The following GALNT7 variants were observed in gnomAD, a reference collection of about 807,000 sequenced individuals.
GALNT7 encodes the protein N-acetylgalactosaminyltransferase 7.
In GALNT7, 60 loss-of-function variants were observed where a neutral mutation model predicts 82.1. The observed-to-expected ratio is 0.73, with a 90% CI of 0.59 to 0.91. The LOEUF (loss-of-function observed/expected upper bound fraction) is 0.91. GALNT7 is among the 40% of genes least tolerant of loss of function. The probability of loss-of-function intolerance (pLI) is 0.00; values close to 1 mark genes in which losing one functional copy is unlikely to be tolerated. For synonymous variants in GALNT7, 243 were observed against 275.1 expected (o/e 0.88, Z 1.15); for missense variants, 660 against 804.2 (o/e 0.82, Z 2.17).
chr4:173,209,013 T>C (rs1696931880), intron 1 of GALNT7, among the ~76,000 whole-genome samples: 1 of 152,226 alleles, frequency 6.6e-6, no homozygotes, highest in African/African-American at 2.4e-5. Flanking sequence ...TCATCTTTTG[T>C]TCAAATGGTT....
intron 1 of GALNT7, among the ~76,000 whole-genome samples, chr4:173,170,631 C>T (rs1731829468): frequency 6.6e-6 from 1 of 152,106 alleles, no homozygotes; most frequent in African/African-American, 2.4e-5. Flanking sequence ...TGATGGTGAT[C>T]TTTTTATAAT....
intron 1 of GALNT7, among the ~76,000 whole-genome samples, chr4:173,191,378 C>T (rs932520992): frequency 3.9e-5 from 6 of 152,174 alleles, no homozygotes; most frequent in Non-Finnish European, 7.3e-5. Context: ...GGATGTAAGT[C>T]TCTTCCGCCA....
intron 2 of GALNT7, among the ~76,000 whole-genome samples, chr4:173,263,702 C>A (rs1054703791): frequency 6.6e-6 from 1 of 151,816 alleles, no homozygotes; most frequent in African/African-American, 2.4e-5. Context: ...GGAACAAAAC[C>A]CAAGGGTTCA....
intron 1 of GALNT7, among the ~76,000 whole-genome samples, chr4:173,215,286 A>G (rs915312525): frequency 1.3e-5 from 2 of 148,384 alleles, no homozygotes; most frequent in African/African-American, 5.0e-5. Flanking sequence ...GCTGGAGAGC[A>G]GTGGTGTGAT....
chr4:173,210,730 C>T (rs573553887), intron 1 of GALNT7, among the ~76,000 whole-genome samples: 2 of 152,252 alleles, frequency 1.3e-5, no homozygotes, highest in African/African-American at 2.4e-5. Flanking sequence ...CCATGCCTGG[C>T]CTACTTTTTC....
chr4:173,195,724 T>G (rs948982672), intron 1 of GALNT7, among the ~76,000 whole-genome samples: 4 of 152,194 alleles, frequency 2.6e-5, no homozygotes, highest in South Asian at 2.1e-4. Context: ...TGAAATCAGA[T>G]AAGATGATGA....
intron 10 of GALNT7, 151 bp downstream of exon 10, chr4:173,317,883 T>TA: frequency 1.6e-6 from 1 of 607,156 alleles, no homozygotes; most frequent in Non-Finnish European, 3.0e-6. Flanking sequence ...TTGACAGTGT[T>TA]AAAACATTCA....
chr4:173,255,937 T>A (rs1735021309), intron 2 of GALNT7, among the ~76,000 whole-genome samples: 1 of 152,234 alleles, frequency 6.6e-6, no homozygotes, highest in Non-Finnish European at 1.5e-5. Context: ...TATATGTTTC[T>A]TTGATGCATA....
chr4:173,215,489 C>T (rs1733416777), intron 1 of GALNT7, among the ~76,000 whole-genome samples: 2 of 152,082 alleles, frequency 1.3e-5, no homozygotes, highest in Admixed American at 6.6e-5. Context: ...CTCGGCCTTT[C>T]GAAGTGCTGG....
In GALNT7 at chr4:173,212,298, T is replaced by TA. The variant is rs1561156079; in HGVS notation, c.127-35677dup. On this transcript the variant is annotated intron_variant, in intron 1 of 11. Transcript: ENST00000265000. Reference sequence around the variant, plus strand: ...ATAGTTCTTTAATCCGTATGCTTATTAAAAATCAACTTAAGTCTACAAAAG... The same window carrying TA: ...ATAGTTCTTTAATCCGTATGCTTATTAAAAAATCAACTTAAGTCTACAAAAG... Among the ~76,000 whole-genome samples, 3 of 152,328 alleles carry TA rather than the reference T, an allele frequency of 2.0e-5. No homozygotes were observed. In the South Asian group the frequency reaches 6.2e-4, roughly 32 times the overall value.
intron 1 of GALNT7, among the ~76,000 whole-genome samples, chr4:173,236,901 A>G (rs539744258): frequency 1.3e-5 from 2 of 152,344 alleles, no homozygotes; most frequent in East Asian, 3.9e-4. Context: ...TCTTTTAATG[A>G]TGCATATAAA....
chr4:173,281,768 C>T lies in GALNT7; in HGVS notation c.588-10340C>T, dbSNP rs117118681. On this transcript the variant is annotated intron_variant, in intron 2 of 11. Transcript: ENST00000265000. ...TTGTTACCTTCTATCCCCTTGTTCCCTCCAGATTTCCTACCTCTCCCTAGT... is the reference window on the plus strand; with the variant it reads ...TTGTTACCTTCTATCCCCTTGTTCCTTCCAGATTTCCTACCTCTCCCTAGT... 1.8e-4 allele frequency among the ~76,000 whole-genome samples: 28 copies of T among 152,330 alleles called. No homozygotes were observed. The East Asian group carries it at 3.3e-3, about 18-fold the overall frequency.
intron 2 of GALNT7, among the ~76,000 whole-genome samples, chr4:173,266,991 G>T (rs980285364): frequency 6.6e-6 from 1 of 150,534 alleles, no homozygotes; most frequent in African/African-American, 2.4e-5. Flanking sequence ...TTAGCTGGAA[G>T]GAATAAGTTC....
intron 1 of GALNT7, among the ~76,000 whole-genome samples, chr4:173,193,103 TAAAAG>T: frequency 6.6e-6 from 1 of 152,230 alleles, no homozygotes; most frequent in East Asian, 1.9e-4. Context: ...GAAAAAGAGA[TAAAAG>T]AAAGATGATA....
intron 8 of GALNT7, among the ~76,000 whole-genome samples, chr4:173,311,928 A>C (rs138936439): frequency 6.6e-6 from 1 of 152,306 alleles, no homozygotes; most frequent in Non-Finnish European, 1.5e-5. Context: ...TAATCTGAAC[A>C]CTAGGTATTT....
At chr4:173,312,857 A>C (rs1396971048) in intron 8 of GALNT7, among the ~76,000 whole-genome samples, 1 of 152,108 alleles carries the variant, frequency 6.6e-6, no homozygotes, top group East Asian at 1.9e-4. Flanking sequence ...TCAAGAGTTC[A>C]AGACCAGTCT....
intron 2 of GALNT7, among the ~76,000 whole-genome samples, chr4:173,255,228 G>T (rs1444335391): frequency 6.6e-6 from 1 of 152,072 alleles, no homozygotes; most frequent in African/African-American, 2.4e-5. Flanking sequence ...TCCCTGAAGT[G>T]CCTTCTTACC....
chr4:173,213,078 A>C (rs778677132), intron 1 of GALNT7, among the ~76,000 whole-genome samples: 1 of 152,152 alleles, frequency 6.6e-6, no homozygotes, highest in South Asian at 2.1e-4. Flanking sequence ...TAAATATCTG[A>C]GAAAAAGGTA....
chr4:173,191,280 G>A (rs768061424), intron 1 of GALNT7, among the ~76,000 whole-genome samples: 8 of 152,196 alleles, frequency 5.3e-5, no homozygotes, highest in South Asian at 2.1e-4. Context: ...AAAATAATGG[G>A]GCTGGTTTGG....
Sources: gnomAD v4.1 joint callset for allele counts (sites outside exome capture counted in the v4.1 genomes callset) on GRCh38, gnomAD v4.1.1 for gene constraint, MANE v1.5 for transcripts, NCBI Gene and HGNC (gene_info 2026-07-23, HGNC 2026-07-21) for gene names.